ZFAND4: variants seen among roughly 807,000 people sequenced by gnomAD.
ZFAND4 encodes AN1-type zinc finger protein 4.
ZFAND4 carries 43 observed loss-of-function variants against 64.4 expected under a neutral mutation model. That is an observed-to-expected ratio of 0.67 (90% CI 0.52 to 0.86). The LOEUF is 0.86. ZFAND4 is among the 40% of genes least tolerant of loss of function. ZFAND4 has a pLI of 0.00. For missense variants in ZFAND4, 929 were observed against 859.8 expected, an observed-to-expected ratio of 1.08 and a Z score of -1.01; for synonymous variants, 296 against 305.7, an observed-to-expected ratio of 0.97 and a Z score of 0.33.
chr10:45,646,087 C>T (rs1486091952), intron 5 of ZFAND4, among the ~76,000 whole-genome samples: 1 of 152,188 alleles, frequency 6.6e-6, no homozygotes, highest in Non-Finnish European at 1.5e-5. Flanking sequence ...GCAACACTAA[C>T]TTTCCACCTC....
At chr10:45,620,484 A>T (rs1236629815) in intron 8 of ZFAND4, among the ~76,000 whole-genome samples, 1 of 151,338 alleles carries the variant, frequency 6.6e-6, no homozygotes, top group Non-Finnish European at 1.5e-5. Flanking sequence ...GACTCTGTCT[A>T]AAAAAAAAGA....
At chr10:45,659,804 A>T (rs904765933) in intron 2 of ZFAND4, among the ~76,000 whole-genome samples, 3 of 152,164 alleles carry the variant, frequency 2.0e-5, no homozygotes. Flanking sequence ...TGTTAAAAAT[A>T]AAAGCTCCAA....
intron 2 of ZFAND4, among the ~76,000 whole-genome samples, chr10:45,661,322 A>G (rs961207671): frequency 6.6e-6 from 1 of 152,118 alleles, no homozygotes; most frequent in East Asian, 1.9e-4. Context: ...TTCAAGGCCC[A>G]TTGTAAATCC....
chr10:45,631,000 G>A (rs1330071213), intron 6 of ZFAND4, among the ~76,000 whole-genome samples: 6 of 148,720 alleles, frequency 4.0e-5, no homozygotes, highest in African/African-American at 9.9e-5. Context: ...AAAAGACCAC[G>A]ACGATGTTCT....
chr10:45,640,242 A>C, intron 5 of ZFAND4: 2 of 1,220,986 alleles, frequency 1.6e-6, no homozygotes, highest in Non-Finnish European at 2.1e-6. Flanking sequence ...GACACCTGCC[A>C]TATCATTCCC....
At chr10:45,661,338 C>T (rs2048458742) in intron 2 of ZFAND4, among the ~76,000 whole-genome samples, 1 of 152,100 alleles carries the variant, frequency 6.6e-6, no homozygotes, top group Admixed American at 6.5e-5. Flanking sequence ...AATCCCTGAG[C>T]AGGCCCTGCT....
intron 6 of ZFAND4, among the ~76,000 whole-genome samples, chr10:45,636,607 A>G (rs1279212690): frequency 2.0e-5 from 3 of 152,020 alleles, no homozygotes; most frequent in South Asian, 2.1e-4. Flanking sequence ...ACTGAACTTC[A>G]GTTTGAGGGA....
At chr10:45,664,685 G>T (rs911834532) in intron 1 of ZFAND4, among the ~76,000 whole-genome samples, 56 of 151,940 alleles carry the variant, frequency 3.7e-4, no homozygotes, top group African/African-American at 1.1e-3. Flanking sequence ...CAGCACTTTG[G>T]GAGGCCGAGA....
At chr10:45,633,025 A>G (rs2046328101) in intron 6 of ZFAND4, among the ~76,000 whole-genome samples, 1 of 152,202 alleles carries the variant, frequency 6.6e-6, no homozygotes, top group Non-Finnish European at 1.5e-5. Flanking sequence ...TGTGATAGAG[A>G]TGAAACATTT....
chr10:45,654,913 T>C (rs1159606079), intron 2 of ZFAND4, among the ~76,000 whole-genome samples: 1 of 152,048 alleles, frequency 6.6e-6, no homozygotes, highest in Admixed American at 6.6e-5. Flanking sequence ...TGGGGGACTT[T>C]AACACTCCAC....
rs149765636 is a variant in ZFAND4, at chr10:45,661,855, G to A, written c.184+1687C>T. 1.7e-3 allele frequency among the ~76,000 whole-genome samples: 252 copies of A among 151,672 alleles called. 3 individuals are homozygous for A. Among genetic ancestry groups the A allele is most frequent in the African/African-American group, 5.9e-3 (244 of 41,296 alleles). Reference sequence around the variant, plus strand: ...CTCGGGAGGCTGAGGCAGGAGAATCGCTTGAACCCAGGAGGCGGAGGTTGT... The same window carrying A: ...CTCGGGAGGCTGAGGCAGGAGAATCACTTGAACCCAGGAGGCGGAGGTTGT... On this transcript the variant is annotated intron_variant, in intron 2 of 9. Transcript: ENST00000344646.
At chr10:45,646,749 A>G (rs1282603229) in intron 5 of ZFAND4, among the ~76,000 whole-genome samples, 1 of 152,220 alleles carries the variant, frequency 6.6e-6, no homozygotes, top group Non-Finnish European at 1.5e-5. Context: ...GGGAGCCAAA[A>G]GAGTGTGTAC....
At chr10:45,650,713 A>G (rs927187339) in intron 4 of ZFAND4, 7 of 152,292 alleles carry the variant, frequency 4.6e-5, no homozygotes, top group Non-Finnish European at 1.0e-4. Flanking sequence ...TAAACACTAT[A>G]TAATTCTATC....
chr10:45,654,444 C>T (rs1026444379), intron 2 of ZFAND4, among the ~76,000 whole-genome samples: 1 of 152,050 alleles, frequency 6.6e-6, no homozygotes, highest in Non-Finnish European at 1.5e-5. Context: ...CATGGTGAAA[C>T]CCCGTCTCTA....
intron 1 of ZFAND4, 35 bp downstream of exon 1, chr10:45,672,215 G>A (rs543627079): frequency 6.6e-6 from 1 of 152,408 alleles, no homozygotes; most frequent in Admixed American, 6.5e-5. Context: ...AAGTATTTCA[G>A]AGCCAGCATC....
intron 6 of ZFAND4, among the ~76,000 whole-genome samples, chr10:45,633,017 T>C (rs2046327485): frequency 6.6e-6 from 1 of 152,132 alleles, no homozygotes; most frequent in South Asian, 2.1e-4. Flanking sequence ...TCAGTGAATG[T>C]GATAGAGATG....
chr10:45,632,148 T>C (rs192932198), intron 6 of ZFAND4, among the ~76,000 whole-genome samples: 144 of 151,898 alleles, frequency 9.5e-4, no homozygotes, highest in Non-Finnish European at 1.5e-3. Flanking sequence ...AGGTCAGGAG[T>C]TCGAGACCAG....
intron 8 of ZFAND4, among the ~76,000 whole-genome samples, chr10:45,619,045 A>AT (rs112218055): frequency 0.017 from 2,451 of 145,086 alleles, 24 homozygotes; most frequent in Non-Finnish European, 0.019. Context: ...AATTAAATCA[A>AT]TTTTTTTTTT....
chr10:45,663,449 A>C, intron 2 of ZFAND4, 93 bp downstream of exon 2: 1 of 957,970 alleles, frequency 1.0e-6, no homozygotes, highest in Non-Finnish European at 1.5e-6. Context: ...TATATGTTTG[A>C]AATTGTCTCC....
Sources: gnomAD v4.1 joint callset for allele counts (sites outside exome capture counted in the v4.1 genomes callset) on GRCh38, gnomAD v4.1.1 for gene constraint, MANE v1.5 for transcripts, NCBI Gene and HGNC (gene_info 2026-07-23, HGNC 2026-07-21) for gene names.